XPR1: variants seen among roughly 807,000 people sequenced by gnomAD.
XPR1 encodes the protein xenotropic and polytropic retrovirus receptor 1, also known as solute carrier family 53 member 1.
A neutral mutation model predicts 87.5 loss-of-function variants in XPR1; 28 were observed. The observed-to-expected ratio is 0.32, with a 90% CI of 0.24 to 0.44. XPR1 has a LOEUF of 0.44. Ranked by LOEUF, XPR1 falls within the 20% of genes least tolerant of loss-of-function variation. The probability of loss-of-function intolerance (pLI) is 1.00; values close to 1 mark genes in which losing one functional copy is unlikely to be tolerated. For missense variants in XPR1, 559 were observed against 862.3 expected (o/e 0.65, Z 4.41); for synonymous variants, 300 against 306.1 (o/e 0.98, Z 0.21).
intron 1 of XPR1, among the ~76,000 whole-genome samples, chr1:180,672,139 C>A (rs10914064): frequency 0.043 from 6,550 of 152,196 alleles, 504 homozygotes; most frequent in African/African-American, 0.15. Context: ...ATTTGTGTGA[C>A]TATAACATGA....
At chr1:180,729,935 T>C (rs1212424340) in intron 2 of XPR1, among the ~76,000 whole-genome samples, 1 of 152,198 alleles carries the variant, frequency 6.6e-6, no homozygotes, top group Non-Finnish European at 1.5e-5. Context: ...TGCAATTGCT[T>C]TTGGCACCTT....
chr1:180,802,280 T>C (rs1649813280), intron 3 of XPR1, among the ~76,000 whole-genome samples: 2 of 152,312 alleles, frequency 1.3e-5, no homozygotes, highest in Non-Finnish European at 1.5e-5. Context: ...GTGAACTGAA[T>C]TGTGACCTTG....
chr1:180,858,027 G>T (rs977735521), intron 11 of XPR1, among the ~76,000 whole-genome samples: 1 of 152,064 alleles, frequency 6.6e-6, no homozygotes, highest in Non-Finnish European at 1.5e-5. Context: ...GACCAGCCTG[G>T]CCAACATGGA....
chr1:180,678,588 A>G (rs972672351), intron 1 of XPR1, among the ~76,000 whole-genome samples: 1 of 152,242 alleles, frequency 6.6e-6, no homozygotes, highest in Admixed American at 6.5e-5. Flanking sequence ...GTGACATTAA[A>G]AATTTTTGTA....
intron 1 of XPR1, among the ~76,000 whole-genome samples, chr1:180,679,752 G>C (rs748002061): frequency 6.6e-6 from 1 of 152,080 alleles, no homozygotes; most frequent in South Asian, 2.1e-4. Flanking sequence ...AAAGTAAACC[G>C]ATACTGTCTT....
At chr1:180,722,189 G>A (rs1658198688) in intron 2 of XPR1, among the ~76,000 whole-genome samples, 1 of 152,112 alleles carries the variant, frequency 6.6e-6, no homozygotes, top group South Asian at 2.1e-4. Context: ...GATGGCTTGA[G>A]CCTGGGAGGT....
At chr1:180,844,971 T>C (rs375994297) in intron 11 of XPR1, among the ~76,000 whole-genome samples, 1 of 152,168 alleles carries the variant, frequency 6.6e-6, no homozygotes, top group Non-Finnish European at 1.5e-5. Flanking sequence ...GAAACAGGGA[T>C]GGGCTGAAAG....
chr1:180,838,822 C>T (rs1185075924), intron 11 of XPR1, among the ~76,000 whole-genome samples: 2 of 152,020 alleles, frequency 1.3e-5, no homozygotes, highest in African/African-American at 4.8e-5. Flanking sequence ...AATGACTTGT[C>T]TGCTACATAA....
intron 1 of XPR1, among the ~76,000 whole-genome samples, chr1:180,656,407 ATATATTTATATATAAATATT>A (rs1406968483): frequency 1.2e-4 from 6 of 52,054 alleles, no homozygotes; most frequent in African/African-American, 5.7e-4. Context: ...ATAAATATTT[ATATATTTATATATAAATATT>A]TATATATTTA....
chr1:180,806,253 C>T (rs183547927), intron 5 of XPR1, 42 bp downstream of exon 5: 40 of 1,591,856 alleles, frequency 2.5e-5, no homozygotes, highest in Admixed American at 1.9e-4. Context: ...TTCAGTTACA[C>T]GTTTTATATT....
At chr1:180,881,313 G>A (rs1193860087) in intron 14 of XPR1, among the ~76,000 whole-genome samples, 3 of 152,018 alleles carry the variant, frequency 2.0e-5, no homozygotes, top group Admixed American at 1.3e-4. Flanking sequence ...ACAGGCGTCC[G>A]CTACCACACG....
intron 11 of XPR1, among the ~76,000 whole-genome samples, chr1:180,859,894 A>C (rs1257057670): frequency 6.6e-6 from 1 of 152,182 alleles, no homozygotes; most frequent in Non-Finnish European, 1.5e-5. Flanking sequence ...ACATTCAAAA[A>C]TGTTGTTTGG....
Position 180,824,800 on chromosome 1 carries a change from A to C in XPR1, c.811A>C (p.Ile271Leu), listed in dbSNP as rs537249022. 3.1e-6 allele frequency: 5 copies of C among 1,614,038 alleles called. No individual in the cohort carries two copies. The highest frequency in any genetic ancestry group is 2.2e-5 in the East Asian group (1 of 44,862). ...TAGAAGTATATGGCCCTTGATAAGA[A>C]TCTATCGGGGTGGCTTTCTTCTGAT... ...TDRSIWPLIR[I>L]YRGGFLLIEF... is the part of the protein sequence containing the mutation. Residue 271 changes from isoleucine (I) to leucine (L), a missense_variant, in exon 8 of 15, where the codon ATC becomes CTC. This residue lies in a region of XPR1 where 39 missense variants were observed against 38.5 expected (regional missense o/e 1.01). Coordinates refer to ENST00000367590, the MANE Select transcript of XPR1 (RefSeq NM_004736.4).
rs532744740 is a variant in XPR1, at chr1:180,834,263, A to G, written c.1135-611A>G. Among the ~76,000 whole-genome samples the G allele has an allele frequency of 8.9e-4, 135 of 152,096 alleles. 1 individual carries two copies. The highest frequency in any genetic ancestry group is 2.1e-3 in the Admixed American group (32 of 15,266). On this transcript the variant is annotated intron_variant, in intron 9 of 14. Transcript: ENST00000367590. The stretch of plus-strand genomic sequence containing the variant: ...TGCCCGGCTAATTTTTTGTATTTTA[A>G]TAGAGATGGTTTCACCATGTTGGCC...
chr1:180,744,034 T>A (rs1251524724), intron 2 of XPR1, among the ~76,000 whole-genome samples: 1 of 152,228 alleles, frequency 6.6e-6, no homozygotes, highest in Non-Finnish European at 1.5e-5. Context: ...GGGATGTTTT[T>A]AACTATTATG....
chr1:180,776,972 A>T (rs1241766345), intron 2 of XPR1, among the ~76,000 whole-genome samples: 2 of 152,268 alleles, frequency 1.3e-5, no homozygotes, highest in African/African-American at 4.8e-5. Context: ...GGGACTACTT[A>T]AGCCTAGTTA....
At chr1:180,696,163 TGG>T (rs1393263243) in intron 2 of XPR1, among the ~76,000 whole-genome samples, 1 of 123,606 alleles carries the variant, frequency 8.1e-6, no homozygotes, top group Non-Finnish European at 1.7e-5. Flanking sequence ...AATTTATTCC[TGG>T]GTGTGTGTGT....
intron 11 of XPR1, among the ~76,000 whole-genome samples, chr1:180,860,014 T>G (rs1046474601): frequency 2.6e-5 from 4 of 152,076 alleles, no homozygotes; most frequent in African/African-American, 4.8e-5. Context: ...GCAATAATAA[T>G]AAGACAAGAA....
intron 13 of XPR1, 84 bp downstream of exon 13, chr1:180,874,026 C>T: frequency 2.9e-6 from 4 of 1,388,694 alleles, no homozygotes; most frequent in African/African-American, 1.5e-5. Flanking sequence ...TTTATTATAA[C>T]TTGTACTTGA....
Sources: allele counts gnomAD v4.1 joint callset (sites outside exome capture counted in the v4.1 genomes callset), GRCh38; gene constraint gnomAD v4.1.1; regional missense constraint gnomAD v4.1.1; transcripts MANE v1.5; gene names NCBI Gene and HGNC (gene_info 2026-07-23, HGNC 2026-07-21).